SCN2A: variants seen among roughly 807,000 people sequenced by gnomAD.
The protein encoded by SCN2A is sodium voltage-gated channel alpha subunit 2, also known as sodium channel protein type 2 subunit alpha.
Under a neutral mutation model 188.7 loss-of-function variants are expected in SCN2A, and 20 were observed. That is an observed-to-expected ratio of 0.11 (90% CI 0.07 to 0.15). The LOEUF (loss-of-function observed/expected upper bound fraction) is 0.15. SCN2A is among the 10% of genes least tolerant of loss of function. The pLI is 1.00. For missense variants in SCN2A, 1,278 were observed against 2,445.0 expected, an observed-to-expected ratio of 0.52 and a Z score of 10.07; for synonymous variants, 804 against 833.1, an observed-to-expected ratio of 0.97 and a Z score of 0.60.
chr2:165,337,451 C>T (rs1021759342), intron 14 of SCN2A, among the ~76,000 whole-genome samples: 1 of 152,006 alleles, frequency 6.6e-6, no homozygotes, highest in African/African-American at 2.4e-5. Context: ...AAAATAGTAA[C>T]TTACAGACCT....
chr2:165,261,500 G>T (rs1694593866), intron 1 of SCN2A, among the ~76,000 whole-genome samples: 1 of 152,212 alleles, frequency 6.6e-6, no homozygotes, highest in South Asian at 2.1e-4. Flanking sequence ...TAGGTGATTG[G>T]TGTGCTGTTA....
At chr2:165,363,330 T>G (rs2105352377) in intron 17 of SCN2A, among the ~76,000 whole-genome samples, 2 of 152,274 alleles carry the variant, frequency 1.3e-5, no homozygotes, top group Non-Finnish European at 2.9e-5. Flanking sequence ...ACCCGAAGTC[T>G]TACCCCGTTC....
chr2:165,381,023 T>G, intron 24 of SCN2A, 70 bp from the exon 25 acceptor site: 1 of 1,082,104 alleles, frequency 9.2e-7, no homozygotes, highest in Non-Finnish European at 1.4e-6. Context: ...AATTTTCACA[T>G]GATTACTAAG....
chr2:165,295,594 C>T (rs546516274), intron 1 of SCN2A, among the ~76,000 whole-genome samples, 179 bp from the exon 2 acceptor site: 1 of 152,202 alleles, frequency 6.6e-6, no homozygotes, highest in Non-Finnish European at 1.5e-5. Context: ...AGAGATAGAT[C>T]TCCATGTGAG....
chr2:165,328,626 C>A, intron 13 of SCN2A: 1 of 475,328 alleles, frequency 2.1e-6, no homozygotes, highest in Non-Finnish European at 2.8e-6. Context: ...CCTCAAATAT[C>A]CACAAGATTG....
At chr2:165,248,272 A>G (rs1334510173) in intron 1 of SCN2A, among the ~76,000 whole-genome samples, 3 of 152,130 alleles carry the variant, frequency 2.0e-5, no homozygotes, top group Non-Finnish European at 4.4e-5. Context: ...AAGGCACCTG[A>G]CAATTTCCAA....
At position 165,354,437 on chromosome 2, in the gene SCN2A, C is replaced by T; in HGVS notation, c.3165C>T (p.Asn1055=). Residue 1055 remains asparagine, a synonymous_variant, in exon 17 of 27, where the codon AAC becomes AAT. Coordinates refer to ENST00000375437, the MANE Select transcript of SCN2A (RefSeq NM_001040142.2). ...ATAAAAAAGACAGCTGTATTTCCAA[C>T]CATACCACCATAGAAATAGGCAAAG... ...LNNKKDSCIS[N]HTTIEIGKDL... 2 of 1,614,086 alleles carry T rather than the reference C, an allele frequency of 1.2e-6. No homozygotes were observed. Among genetic ancestry groups the T allele is most frequent in the Non-Finnish European group, 8.5e-7 (1 of 1,179,994 alleles).
intron 1 of SCN2A, chr2:165,294,010 T>TAAAAAA (rs67417831): frequency 1.3e-3 from 196 of 150,950 alleles, no homozygotes; most frequent in Non-Finnish European, 1.5e-3. Flanking sequence ...GAAGGAGAAT[T>TAAAAAA]AAAAAAAAAA....
chr2:165,319,416 T>C (rs1471699474), intron 11 of SCN2A, among the ~76,000 whole-genome samples: 1 of 152,206 alleles, frequency 6.6e-6, no homozygotes, highest in African/African-American at 2.4e-5. Flanking sequence ...TGTTTAACAT[T>C]TACAGACATT....
intron 8 of SCN2A, 28 bp downstream of exon 8, chr2:165,312,116 G>A (rs771619853): frequency 1.3e-6 from 2 of 1,562,794 alleles, no homozygotes; most frequent in South Asian, 2.2e-5. Flanking sequence ...CTGAGTTTCA[G>A]TCCACACTGC....
chr2:165,373,483 A>T, intron 21 of SCN2A, 136 bp downstream of exon 21: 1 of 985,976 alleles, frequency 1.0e-6, no homozygotes, highest in Admixed American at 2.3e-5. Context: ...ATCAAAAATA[A>T]TATTTACCAG....
intron 16 of SCN2A, among the ~76,000 whole-genome samples, chr2:165,350,528 A>G (rs1699845989): frequency 1.6e-5 from 2 of 121,458 alleles, no homozygotes; most frequent in African/African-American, 3.2e-5. Context: ...GCTGGAGTGC[A>G]GTGGCGGGAT....
At chr2:165,345,489 T>C (rs748197250) in intron 16 of SCN2A, among the ~76,000 whole-genome samples, 1 of 152,238 alleles carries the variant, frequency 6.6e-6, no homozygotes, top group Non-Finnish European at 1.5e-5. Context: ...TTGTCTTTTT[T>C]TAATCTTTGT....
intron 1 of SCN2A, among the ~76,000 whole-genome samples, chr2:165,295,200 G>A (rs776069103): frequency 2.8e-4 from 43 of 152,060 alleles, no homozygotes; most frequent in Non-Finnish European, 4.0e-4. Context: ...TTTCAAGCAG[G>A]ATCTACCTAT....
chr2:165,347,289 G>A (rs1181008028), intron 16 of SCN2A, among the ~76,000 whole-genome samples: 1 of 152,138 alleles, frequency 6.6e-6, no homozygotes, highest in East Asian at 1.9e-4. Flanking sequence ...CATGTCCTTT[G>A]CAGGGACATG....
chr2:165,350,734 G>A (rs1397152218), intron 16 of SCN2A, among the ~76,000 whole-genome samples: 2 of 149,502 alleles, frequency 1.3e-5, no homozygotes, highest in Non-Finnish European at 3.0e-5. Flanking sequence ...CTCCCAAAGT[G>A]CTGGGATTAC....
In SCN2A at chr2:165,344,590, T is replaced by G. The variant is rs1306050789; in HGVS notation, c.2598T>G (p.Thr866=). Residue 866 remains threonine, a synonymous_variant, in exon 16 of 27, where the codon ACT becomes ACG. Coordinates refer to ENST00000375437, the MANE Select transcript of SCN2A (RefSeq NM_001040142.2). ...RVFKLAKSWP[T]LNMLIKIIGN... The stretch of plus-strand genomic sequence containing the variant: ...TCAAGTTGGCAAAATCTTGGCCAAC[T>G]CTAAATATGCTAATTAAGATCATTG... 4 of 1,614,052 alleles carry G rather than the reference T, an allele frequency of 2.5e-6. No homozygotes were observed. In the Admixed American group the frequency reaches 5.0e-5, roughly 20 times the overall value.
chr2:165,344,520 C>A, intron 15 of SCN2A, 35 bp from the exon 16 acceptor site: 1 of 1,332,892 alleles, frequency 7.5e-7, no homozygotes, highest in Non-Finnish European at 9.9e-7. Context: ...TTTAGAAATG[C>A]AGAGCATTAA....
Position 165,350,464 on chromosome 2 carries a change from C to CTTTTTTTTTTTTTT in SCN2A, c.2920-3715_2920-3702dup, listed in dbSNP as rs71028479. Among the ~76,000 whole-genome samples the CTTTTTTTTTTTTTT allele has an allele frequency of 8.4e-4, 62 of 73,824 alleles. 2 individuals carry two copies. The highest frequency in any genetic ancestry group is 1.1e-3 in the Non-Finnish European group (43 of 40,316). 48.4% of individuals were successfully genotyped at this position (73,824 alleles called of 152,430 possible). A position where few individuals can be genotyped will look rare whatever the true frequency, so the allele number is the denominator to read the frequency against. On this transcript the variant is annotated intron_variant, in intron 16 of 26. Transcript: ENST00000375437. The stretch of plus-strand genomic sequence containing the variant: ...GTGAGCTTGCTGAACTGTTTTCTTT[C>CTTTTTTTTTTTTTT]TTTTTTTTTTTTTTTTTTTTTTTTT...
Sources: allele counts gnomAD v4.1 joint callset (sites outside exome capture counted in the v4.1 genomes callset), GRCh38; gene constraint gnomAD v4.1.1; transcripts MANE v1.5; gene names NCBI Gene and HGNC (gene_info 2026-07-23, HGNC 2026-07-21).